The following MYPN variants were observed in gnomAD, a reference collection of about 807,000 sequenced individuals.
MYPN encodes the protein sarcomeric protein myopalladin, 145 kDa (MYOP).
Under a neutral mutation model 129.4 loss-of-function variants are expected in MYPN, and 63 were observed. The observed-to-expected ratio is 0.49, with a 90% CI of 0.40 to 0.60. MYPN has a LOEUF of 0.60. Ranked by LOEUF, MYPN falls within the 20% of genes least tolerant of loss-of-function variation. The pLI is 0.00. For synonymous variants in MYPN, 629 were observed against 600.9 expected, an observed-to-expected ratio of 1.05 and a Z score of -0.68; for missense variants, 1,596 against 1,635.4, an observed-to-expected ratio of 0.98 and a Z score of 0.42.
chr10:68,114,408 G>T (rs2042125978), intron 1 of MYPN: 1 of 150,664 alleles, frequency 6.6e-6, no homozygotes, highest in African/African-American at 2.4e-5. Context: ...GAATGCAGTG[G>T]CACAATCTCG....
At chr10:68,158,115 C>T (rs934427673) in intron 6 of MYPN, 3 of 207,538 alleles carry the variant, frequency 1.4e-5, no homozygotes, top group Admixed American at 1.1e-4. Context: ...ATCTGTCACC[C>T]CATTGATGGC....
chr10:68,128,609 C>A (rs1188639644), intron 2 of MYPN, among the ~76,000 whole-genome samples: 1 of 152,102 alleles, frequency 6.6e-6, no homozygotes, highest in Non-Finnish European at 1.5e-5. Flanking sequence ...TGCCTTCATG[C>A]AGCATAGAGT....
At chr10:68,142,879 C>A in intron 2 of MYPN, 61 bp from the exon 3 acceptor site, 1 of 1,440,670 alleles carries the variant, frequency 6.9e-7, no homozygotes, top group Non-Finnish European at 9.7e-7. Context: ...ATATCTGGAG[C>A]TGTCTATGTT....
intron 1 of MYPN, among the ~76,000 whole-genome samples, chr10:68,110,343 C>T (rs1291217804): frequency 1.3e-5 from 2 of 151,996 alleles, no homozygotes; most frequent in Non-Finnish European, 2.9e-5. Flanking sequence ...AAATGTTTGG[C>T]CTGGTACATT....
intron 2 of MYPN, among the ~76,000 whole-genome samples, chr10:68,125,536 G>C (rs1256708923): frequency 6.6e-6 from 1 of 152,178 alleles, no homozygotes; most frequent in African/African-American, 2.4e-5. Flanking sequence ...TTTTTACTGT[G>C]TGTTCGGCAC....
At chr10:68,155,116 G>A (rs2042846083) in intron 6 of MYPN, among the ~76,000 whole-genome samples, 1 of 152,066 alleles carries the variant, frequency 6.6e-6, no homozygotes, top group African/African-American at 2.4e-5. Flanking sequence ...AGGAAGTGGA[G>A]GTTGCAGTGA....
In MYPN at chr10:68,210,427, G is replaced by A. The variant is rs761812034; in HGVS notation, c.3935G>A (p.Arg1312Gln). 54 of 1,613,972 alleles carry A rather than the reference G, an allele frequency of 3.3e-5. No individual in the cohort carries two copies. The highest frequency in any genetic ancestry group is 2.0e-4 in the Admixed American group (12 of 59,994). Reference sequence around the variant, plus strand: ...ACGATGGTGTATTCATGCTCTTCTCGGAGTGTAGTGGAGAGTGATGAACTT... The same window carrying A: ...ACGATGGTGTATTCATGCTCTTCTCAGAGTGTAGTGGAGAGTGATGAACTT... ...ESTMVYSCSS[R>Q]SVVESDEL The change falls in exon 20 of 20, where the codon CGG becomes CAG. Residue 1312 changes from arginine (R) to glutamine (Q), a missense_variant. Coordinates refer to ENST00000358913, the MANE Select transcript of MYPN (RefSeq NM_032578.4).
At position 68,133,021 on chromosome 10, in the gene MYPN, A is replaced by ATTTTTTT. The variant is rs35346306; in HGVS notation, c.903-9903_903-9897dup. Among the ~76,000 whole-genome samples, 11 of 116,222 alleles carry ATTTTTTT rather than the reference A, an allele frequency of 9.5e-5. 1 individual carries two copies. The highest frequency in any genetic ancestry group is 9.3e-4 in the South Asian group (3 of 3,240). The allele number at this position is 116,222 out of a possible 152,430, so 76.2% of individuals were successfully genotyped here. On this transcript the variant is annotated intron_variant, in intron 2 of 19. Coordinates refer to ENST00000358913, the MANE Select transcript of MYPN (RefSeq NM_032578.4). ...TATAGAATGCCATGTGTAGACCTCA[A>ATTTTTTT]TTTTTTTTTTTTTTTTTTTTTTGAG...
chr10:68,161,612 T>G (rs1455449836), intron 7 of MYPN, 117 bp from the exon 8 acceptor site: 2 of 757,662 alleles, frequency 2.6e-6, no homozygotes, highest in Non-Finnish European at 4.5e-6. Flanking sequence ...TCACATAATC[T>G]TATTGTATCA....
chr10:68,133,728 T>C (rs1244479675), intron 2 of MYPN, among the ~76,000 whole-genome samples: 1 of 151,592 alleles, frequency 6.6e-6, no homozygotes, highest in African/African-American at 2.4e-5. Flanking sequence ...GCTGTGTAGG[T>C]CAGTGCCTCC....
chr10:68,113,823 T>C (rs1367539398), intron 1 of MYPN, among the ~76,000 whole-genome samples: 3 of 152,228 alleles, frequency 2.0e-5, no homozygotes, highest in African/African-American at 7.2e-5. Flanking sequence ...GCTGTATGTA[T>C]ACATTTTGCA....
At chr10:68,155,583 G>C (rs1408039755) in intron 6 of MYPN, among the ~76,000 whole-genome samples, 1 of 152,186 alleles carries the variant, frequency 6.6e-6, no homozygotes, top group East Asian at 1.9e-4. Context: ...GATCAAGTCT[G>C]TACACCCCAT....
Position 68,201,934 on chromosome 10 carries a change from C to T in MYPN, c.3599C>T (p.Pro1200Leu). The T allele has an allele frequency of 4.3e-6, 7 of 1,614,130 alleles. No homozygotes were observed. The highest frequency in any genetic ancestry group is 2.5e-6 in the Non-Finnish European group (3 of 1,180,024). The part of the protein sequence containing the change: ...RLECRVIGMP[P>L]PVFYWKKDNE... ...GAGTGCCGCGTGATAGGCATGCCCCCACCTGTGTTCTACTGGAAGAAAGAC... is the reference window on the plus strand; with the variant it reads ...GAGTGCCGCGTGATAGGCATGCCCCTACCTGTGTTCTACTGGAAGAAAGAC... The change falls in exon 18 of 20, where the codon CCA becomes CTA. Residue 1200 changes from proline (P) to leucine (L), a missense_variant. Pro to Leu is a moderately conservative substitution (Grantham distance 98). Transcript: ENST00000358913.
In MYPN at chr10:68,197,379, C is replaced by CA; in HGVS notation, c.3189dup (p.Glu1064ArgfsTer23). ...GAAGATCCCGAGTGCAAGAAAGAGA[C>CA]AAAGAGCCCCTACAGGAACGCTTTT... is the stretch of plus-strand genomic sequence containing the variant. On this transcript the variant is annotated frameshift_variant, in exon 16 of 20. Transcript: ENST00000358913. LOFTEE classifies it high-confidence loss of function. 6.2e-7 allele frequency: 1 copy of CA among 1,613,874 alleles called. No homozygotes were observed. The highest frequency in any genetic ancestry group is 8.5e-7 in the Non-Finnish European group (1 of 1,179,900).
At chr10:68,164,749 C>T (rs1047829537) in intron 8 of MYPN, among the ~76,000 whole-genome samples, 1 of 152,170 alleles carries the variant, frequency 6.6e-6, no homozygotes, top group Non-Finnish European at 1.5e-5. Flanking sequence ...GGAATCACCT[C>T]TGTAGTTATT....
intron 13 of MYPN, among the ~76,000 whole-genome samples, chr10:68,193,553 A>G (rs1279787186): frequency 2.0e-5 from 3 of 152,200 alleles, no homozygotes; most frequent in African/African-American, 7.2e-5. Context: ...ATGCTGAAAA[A>G]TCACATCAGT....
At chr10:68,147,531 G>C (rs2042688134) in intron 4 of MYPN, among the ~76,000 whole-genome samples, 1 of 152,154 alleles carries the variant, frequency 6.6e-6, no homozygotes, top group South Asian at 2.1e-4. Context: ...CCAAAGGAAA[G>C]CCCTCTCTCA....
At chr10:68,138,205 C>G (rs967492690) in intron 2 of MYPN, among the ~76,000 whole-genome samples, 3 of 150,704 alleles carry the variant, frequency 2.0e-5, no homozygotes, top group South Asian at 4.2e-4. Flanking sequence ...TGGGTTCAAG[C>G]GATTCTCCTT....
intron 2 of MYPN, among the ~76,000 whole-genome samples, chr10:68,123,141 G>A (rs2042271805): frequency 6.6e-6 from 1 of 151,950 alleles, no homozygotes; most frequent in Non-Finnish European, 1.5e-5. Context: ...TTGGGAGGCC[G>A]AGGCAGGCAG....
Sources: gnomAD v4.1 joint callset for allele counts (sites outside exome capture counted in the v4.1 genomes callset) on GRCh38, gnomAD v4.1.1 for gene constraint, MANE v1.5 for transcripts, NCBI Gene and HGNC (gene_info 2026-07-23, HGNC 2026-07-21) for gene names.